The following MEGF8 variants were observed in gnomAD, a reference collection of about 807,000 sequenced individuals.
The protein encoded by MEGF8 is multiple epidermal growth factor-like domains protein 8.
MEGF8 carries 156 observed loss-of-function variants against 302.9 expected under a neutral mutation model. That is an observed-to-expected ratio of 0.52 (90% CI 0.45 to 0.59). The LOEUF is 0.59. Ranked by LOEUF, MEGF8 falls within the 20% of genes least tolerant of loss-of-function variation. The probability of loss-of-function intolerance (pLI) is 0.00; values close to 1 mark genes in which losing one functional copy is unlikely to be tolerated. For missense variants in MEGF8, 3,345 were observed against 3,964.5 expected (o/e 0.84, Z 4.20); for synonymous variants, 1,621 against 1,660.5 (o/e 0.98, Z 0.58).
Position 42,350,152 on chromosome 19 carries a change from TCTC to T in MEGF8, c.2507_2509del (p.Ser836del), listed in dbSNP as rs764496061. The T allele has an allele frequency of 1.2e-6, 2 of 1,610,350 alleles. No homozygotes were observed. Among genetic ancestry groups the T allele is most frequent in the Non-Finnish European group, 1.7e-6 (2 of 1,177,272 alleles). On this transcript the variant is annotated inframe_deletion, in exon 15 of 42. Coordinates refer to ENST00000251268, the MANE Select transcript of MEGF8 (RefSeq NM_001271938.2). ...TTCCTGTGACCCCTTCCCCAGGAGA[TCTC>T]CTTCTTCTTCCTGGAGCCCTACCGC...
rs978693211 is a variant in MEGF8 at position 42,343,869 on chromosome 19, C to T, written c.1669-85C>T. The stretch of plus-strand genomic sequence containing the variant: ...GGTCCTCTGGGATAGCTAAAGCAAG[C>T]GGGGACTTGGGAGGCCGGCCCAGGT... On this transcript the variant is annotated intron_variant, in intron 9 of 41. Coordinates refer to ENST00000251268, the MANE Select transcript of MEGF8 (RefSeq NM_001271938.2). The T allele has an allele frequency of 1.4e-5, 22 of 1,518,198 alleles. No individual in the cohort carries two copies. Among genetic ancestry groups the T allele is most frequent in the Middle Eastern group, 1.8e-4 (1 of 5,642 alleles). 94.0% of individuals were successfully genotyped at this position (1,518,198 alleles called of 1,614,324 possible). A position where few individuals can be genotyped will look rare whatever the true frequency, so the allele number is the denominator to read the frequency against.
At position 42,336,765 on chromosome 19, in the gene MEGF8, C is replaced by T. The variant is rs777280142; in HGVS notation, c.1245-42C>T. 1.6e-5 allele frequency: 24 copies of T among 1,532,154 alleles called. No individual in the cohort carries two copies. The highest frequency in any genetic ancestry group is 1.5e-4 in the Admixed American group (7 of 45,256). 94.9% of individuals were successfully genotyped at this position (1,532,154 alleles called of 1,614,324 possible). ...TAAGAGCCTGGAGGAGGGAGAGAGA[C>T]GCTTCCTGCCCTGAGCCCCTGCCCT... On this transcript the variant is annotated intron_variant, in intron 6 of 41. Transcript: ENST00000251268. This position sits in a 1 kb window ranked among gnomAD's most constrained non-coding sequence, Gnocchi z 4.8.
In MEGF8 at chr19:42,344,866, T is replaced by C. The variant is rs780994312; in HGVS notation, c.2097+33T>C. The C allele has an allele frequency of 1.3e-6, 2 of 1,508,236 alleles. No individual in the cohort carries two copies. Among genetic ancestry groups the C allele is most frequent in the Non-Finnish European group, 1.8e-6 (2 of 1,124,194 alleles). The allele number at this position is 1,508,236 out of a possible 1,614,324, so 93.4% of individuals were successfully genotyped here. A position where few individuals can be genotyped will look rare whatever the true frequency, so the allele number is the denominator to read the frequency against. On this transcript the variant is annotated intron_variant, in intron 12 of 41. Transcript: ENST00000251268. This position sits in a 1 kb window ranked among gnomAD's most constrained non-coding sequence, Gnocchi z 4.5. ...GGAGGCGTGGCCCTGGGTGGGGTGT[T>C]GATGATCCTGATCCTAGGGTTTGTT... is the stretch of plus-strand genomic sequence containing the variant.
rs1304531608 is a variant in MEGF8 at position 42,351,143 on chromosome 19, G to T, written c.2737-73G>T. 2 of 1,311,514 alleles carry T rather than the reference G, an allele frequency of 1.5e-6. No homozygotes were observed. Among genetic ancestry groups the T allele is most frequent in the Admixed American group, 4.4e-5 (2 of 45,632 alleles). 81.2% of individuals were successfully genotyped at this position (1,311,514 alleles called of 1,614,324 possible). A position where few individuals can be genotyped will look rare whatever the true frequency, so the allele number is the denominator to read the frequency against. Reference sequence around the variant, plus strand: ...GACAGTCTGCAGGGTGGGGCAGGGGGTGGGATGGGCACTGGGAGTCCAAAG... The same window carrying T: ...GACAGTCTGCAGGGTGGGGCAGGGGTTGGGATGGGCACTGGGAGTCCAAAG... On this transcript the variant is annotated intron_variant, in intron 15 of 41. Coordinates refer to ENST00000251268, the MANE Select transcript of MEGF8 (RefSeq NM_001271938.2). This position sits in a 1 kb window ranked among gnomAD's most constrained non-coding sequence, Gnocchi z 5.6.
Position 42,352,575 on chromosome 19 carries a change from C to T in MEGF8, c.3350+119C>T. On this transcript the variant is annotated intron_variant, in intron 19 of 41. Coordinates refer to ENST00000251268, the MANE Select transcript of MEGF8 (RefSeq NM_001271938.2). This position sits in a 1 kb window ranked among gnomAD's most constrained non-coding sequence, Gnocchi z 4.4. The stretch of plus-strand genomic sequence containing the variant: ...TGTGGAACCAGCATCCCCAGTTAGC[C>T]AGGGGTTTTTACCTTGCACACTAGG... 1 of 1,344,656 alleles carries T rather than the reference C, an allele frequency of 7.4e-7. No homozygotes were observed. The highest frequency in any genetic ancestry group is 1.0e-6 in the Non-Finnish European group (1 of 1,001,360). The allele number at this position is 1,344,656 out of a possible 1,614,324, so 83.3% of individuals were successfully genotyped here.
Position 42,335,369 on chromosome 19 carries a change from A to G in MEGF8, c.812A>G (p.Asp271Gly), listed in dbSNP as rs1314255396. 1 of 1,613,876 alleles carries G rather than the reference A, an allele frequency of 6.2e-7. No individual in the cohort carries two copies. The highest frequency in any genetic ancestry group is 1.7e-5 in the Admixed American group (1 of 60,010). The change falls in exon 5 of 42, where the codon GAC (aspartate) becomes GGC (glycine). Residue 271 changes from aspartate to glycine, a missense_variant. Physicochemically the swap from Asp to Gly is moderately conservative, Grantham distance 94. Coordinates refer to ENST00000251268, the MANE Select transcript of MEGF8 (RefSeq NM_001271938.2). Reference sequence around the variant, plus strand: ...TCCGCCAACACCTGGGAGTCTTGGGACCTGAGTCCTGCCCCGGTATGGACC... The same window carrying G: ...TCCGCCAACACCTGGGAGTCTTGGGGCCTGAGTCCTGCCCCGGTATGGACC... ...NFSANTWESW[D>G]LSPAPAARHS...
At chr19:42,371,546 T>G in intron 41 of MEGF8, 64 bp downstream of exon 41, 2 of 1,602,316 alleles carry the variant, frequency 1.2e-6, no homozygotes, top group Non-Finnish European at 1.7e-6. Context: ...AGGGCTGGGA[T>G]GAGGTAGCCA....
Position 42,360,841 on chromosome 19 carries a change from G to C in MEGF8, c.5555G>C (p.Arg1852Pro). 1 of 1,612,054 alleles carries C rather than the reference G, an allele frequency of 6.2e-7. No homozygotes were observed. Among genetic ancestry groups the C allele is most frequent in the Non-Finnish European group, 8.5e-7 (1 of 1,179,476 alleles). The part of the protein sequence containing the change: ...VAHAVAAVGS[R>P]LYISGGFGGV... ...CATGCTGTGGCAGCAGTCGGGAGCC[G>C]CCTGTATATCTCTGGGGGTTTCGGG... The change falls in exon 32 of 42, where the codon CGC (arginine) becomes CCC (proline). Residue 1852 changes from arginine to proline, a missense_variant. Physicochemically the swap from Arg to Pro is moderately radical, Grantham distance 103. Transcript: ENST00000251268.
chr19:42,365,648 T>C (rs945261517), intron 35 of MEGF8, among the ~76,000 whole-genome samples: 39 of 150,656 alleles, frequency 2.6e-4, no homozygotes, highest in African/African-American at 9.3e-4. Context: ...GGTGTGTGTC[T>C]GTAGTCCCAG....
Position 42,326,195 on chromosome 19 carries a change from A to G in MEGF8, c.-49A>G, listed in dbSNP as rs1242391318. ...TCACCCCGGGTAGAGGGTCCTCTCC[A>G]GGTTTTTACGGCCTGTCCCCGCTCT... On this transcript the variant is annotated 5_prime_UTR_variant, in exon 1 of 42. Transcript: ENST00000251268. The G allele has an allele frequency of 1.4e-6, 2 of 1,457,268 alleles. No homozygotes were observed. Among genetic ancestry groups the G allele is most frequent in the Non-Finnish European group, 9.0e-7 (1 of 1,111,474 alleles). The allele number at this position is 1,457,268 out of a possible 1,614,324, so 90.3% of individuals were successfully genotyped here. A position where few individuals can be genotyped will look rare whatever the true frequency, so the allele number is the denominator to read the frequency against.
At chr19:42,343,731 G>A in intron 9 of MEGF8, 100 bp downstream of exon 9, 2 of 1,426,622 alleles carry the variant, frequency 1.4e-6, no homozygotes, top group Non-Finnish European at 9.3e-7. Context: ...GGGAGAAGGA[G>A]TGGGGATCCC....
At chr19:42,334,540 T>C (rs2039098918) in intron 3 of MEGF8, among the ~76,000 whole-genome samples, 2 of 152,142 alleles carry the variant, frequency 1.3e-5, no homozygotes, top group Admixed American at 1.3e-4. Context: ...CTTGGACCCC[T>C]GCCATGACTT....
chr19:42,357,995 C>T lies in MEGF8; in HGVS notation c.5012-149C>T, dbSNP rs2039476556. The T allele has an allele frequency of 1.4e-6, 1 of 738,040 alleles. No individual in the cohort carries two copies. The highest frequency in any genetic ancestry group is 2.1e-6 in the Non-Finnish European group (1 of 481,928). 45.7% of individuals were successfully genotyped at this position (738,040 alleles called of 1,614,324 possible). ...TCTCTAATGATTGTCCATTTGAACC[C>T]AACTGAGAGGGACGGGTGGAGAGGG... On this transcript the variant is annotated intron_variant, in intron 28 of 41. Transcript: ENST00000251268. This position sits in a 1 kb window ranked among gnomAD's most constrained non-coding sequence, Gnocchi z 5.2.
rs2039443047 is a variant in MEGF8 at position 42,355,818 on chromosome 19, T to C, written c.4205T>C (p.Val1402Ala). 6.3e-7 allele frequency: 1 copy of C among 1,575,012 alleles called. No homozygotes were observed. Among genetic ancestry groups the C allele is most frequent in the South Asian group, 1.2e-5 (1 of 86,254 alleles). ...GSSSWGFNAS[V>A]GSARCGSGGP... ...TCATCCTGGGGCTTCAATGCTTCGG[T>C]GGGCTCTGCCCGCTGTGGGTCAGGG... Residue 1402 changes from valine (V) to alanine (A), a missense_variant, in exon 24 of 42, where the codon GTG (valine) becomes GCG (alanine). Val to Ala is a moderately conservative substitution (Grantham distance 64, BLOSUM62 0). Coordinates refer to ENST00000251268, the MANE Select transcript of MEGF8 (RefSeq NM_001271938.2).
Position 42,354,118 on chromosome 19 carries a change from G to GTTT in MEGF8, c.4011+105_4011+107dup. 100 of 1,144,864 alleles carry GTTT rather than the reference G, an allele frequency of 8.7e-5. No homozygotes were observed. The highest frequency in any genetic ancestry group is 1.0e-4 in the Non-Finnish European group (86 of 856,462). 70.9% of individuals were successfully genotyped at this position (1,144,864 alleles called of 1,614,324 possible). On this transcript the variant is annotated intron_variant, in intron 22 of 41. Coordinates refer to ENST00000251268, the MANE Select transcript of MEGF8 (RefSeq NM_001271938.2). The surrounding 1 kb of genome is among the most constrained non-coding windows in gnomAD (Gnocchi z 4.3). ...CTCAGACCCTGACCCTAGTATTGCT[G>GTTT]TTTTTTTTTTTTTGTTTTTTTAATC...
intron 35 of MEGF8, among the ~76,000 whole-genome samples, chr19:42,366,717 C>T (rs1048921220): frequency 3.9e-5 from 6 of 152,198 alleles, no homozygotes; most frequent in African/African-American, 1.4e-4. Flanking sequence ...ACACCTTTTC[C>T]ATGAACTCAG....
chr19:42,370,763 T>G lies in MEGF8; in HGVS notation c.7068T>G (p.Asn2356Lys), dbSNP rs1005273011. 1.9e-6 allele frequency: 3 copies of G among 1,569,384 alleles called. No individual in the cohort carries two copies. The highest frequency in any genetic ancestry group is 2.6e-6 in the Non-Finnish European group (3 of 1,157,900). ...AGGCCGTGTGCGTGAACTGCCAGAATAACAGCTATGGGGAGAAATGCGAGA... is the reference window on the plus strand; with the variant it reads ...AGGCCGTGTGCGTGAACTGCCAGAAGAACAGCTATGGGGAGAAATGCGAGA... ...EDEAVCVNCQ[N>K]NSYGEKCESC... The change falls in exon 40 of 42, where the codon AAT (asparagine) becomes AAG (lysine). Residue 2356 changes from asparagine to lysine, a missense_variant. Transcript: ENST00000251268.
chr19:42,335,153 C>T lies in MEGF8; in HGVS notation c.677C>T (p.Ser226Phe), dbSNP rs1272627312. The T allele has an allele frequency of 6.2e-7, 1 of 1,614,000 alleles. No homozygotes were observed. ...HNVSARDPAFSARIGAAGAFL... is the reference protein window; with the variant it reads ...HNVSARDPAFFARIGAAGAFL... The stretch of plus-strand genomic sequence containing the variant: ...GTGAGTGCCAGGGACCCTGCCTTCT[C>T]TGCCCGTATTGGGGCAGCTGGCGCC... Residue 226 changes from serine (S) to phenylalanine (F), a missense_variant, in exon 4 of 42, where the codon TCT becomes TTT. Transcript: ENST00000251268.
rs747874175 is a variant in MEGF8 at position 42,368,904 on chromosome 19, G to A, written c.6543G>A (p.Glu2181=). ...WAFLSCPPED[E]CANGHHDCNE... ...TCCTGTCCTGCCCCCCTGAGGACGAGTGTGCAAACGGGCACCACGACTGCA... is the reference window on the plus strand; with the variant it reads ...TCCTGTCCTGCCCCCCTGAGGACGAATGTGCAAACGGGCACCACGACTGCA... Residue 2181 remains glutamate, a synonymous_variant, in exon 37 of 42, where the codon GAG becomes GAA. Transcript: ENST00000251268. This position sits in a 1 kb window ranked among gnomAD's most constrained non-coding sequence, Gnocchi z 4.9. 1 of 1,613,924 alleles carries A rather than the reference G, an allele frequency of 6.2e-7. No individual in the cohort carries two copies. The highest frequency in any genetic ancestry group is 1.3e-5 in the African/African-American group (1 of 75,038).
Sources: gnomAD v4.1 joint callset for allele counts (sites outside exome capture counted in the v4.1 genomes callset) on GRCh38, gnomAD v4.1.1 for gene constraint, Gnocchi (gnomAD v3.1) non-coding constraint, MANE v1.5 for transcripts, NCBI Gene and HGNC (gene_info 2026-07-23, HGNC 2026-07-21) for gene names.